The following FLVCR1 variants were observed in gnomAD, a reference collection of about 807,000 sequenced individuals.
The protein encoded by FLVCR1 is choline/ethanolamine transporter FLVCR1.
Under a neutral mutation model 53.6 loss-of-function variants are expected in FLVCR1, and 34 were observed. The ratio of observed to expected loss-of-function variants is 0.63; its 90% CI spans 0.48 to 0.84. The LOEUF is 0.84. Ranked by LOEUF, FLVCR1 falls within the 40% of genes least tolerant of loss-of-function variation. The probability of loss-of-function intolerance (pLI) is 0.00; values close to 1 mark genes in which losing one functional copy is unlikely to be tolerated. For missense variants in FLVCR1, 677 were observed against 696.7 expected (o/e 0.97, Z 0.32); for synonymous variants, 300 against 286.3 (o/e 1.05, Z -0.48).
chr1:212,879,008 T>C (rs1014420494), intron 3 of FLVCR1, among the ~76,000 whole-genome samples: 2 of 151,564 alleles, frequency 1.3e-5, no homozygotes, highest in African/African-American at 4.9e-5. Flanking sequence ...AAGACCTAAA[T>C]AATTTATTTT....
intron 3 of FLVCR1, among the ~76,000 whole-genome samples, chr1:212,878,533 CAAAAAAA>C (rs58243050): frequency 8.0e-5 from 9 of 112,834 alleles, no homozygotes; most frequent in African/African-American, 7.5e-5. Context: ...GTCTCCGTCT[CAAAAAAA>C]AAAAAAAAAA....
intron 9 of FLVCR1, 59 bp from the exon 10 acceptor site, chr1:212,895,157 C>A: frequency 7.0e-7 from 1 of 1,433,862 alleles, no homozygotes; most frequent in Non-Finnish European, 9.9e-7. Context: ...AACTGTTGAT[C>A]TGTTATAATA....
chr1:212,858,430 G>C lies in FLVCR1; in HGVS notation c.-23G>C, dbSNP rs1664088895. 5 of 1,430,720 alleles carry C rather than the reference G, an allele frequency of 3.5e-6. No homozygotes were observed. The highest frequency in any genetic ancestry group is 4.6e-6 in the Non-Finnish European group (5 of 1,097,176). 88.6% of individuals were successfully genotyped at this position (1,430,720 alleles called of 1,614,324 possible). On this transcript the variant is annotated 5_prime_UTR_variant, in exon 1 of 10. Coordinates refer to ENST00000366971, the MANE Select transcript of FLVCR1 (RefSeq NM_014053.4). ...GTCGGGGAGTGGGGCGGGGGAGCGA[G>C]GTGGCGCCGGGGAGCCTGGGATATG... is the stretch of plus-strand genomic sequence containing the variant.
chr1:212,898,340 A>T lies in FLVCR1; in HGVS notation c.*3050A>T, dbSNP rs1033370034. 3 of 152,216 alleles carry T rather than the reference A, an allele frequency of 2.0e-5. No homozygotes were observed. Among genetic ancestry groups the T allele is most frequent in the Non-Finnish European group, 4.4e-5 (3 of 68,042 alleles). The allele number at this position is 152,216 out of a possible 1,614,324, so 9.4% of individuals were successfully genotyped here. A position where few individuals can be genotyped will look rare whatever the true frequency, so the allele number is the denominator to read the frequency against. On this transcript the variant is annotated 3_prime_UTR_variant, in exon 10 of 10. Transcript: ENST00000366971. ...CAGTTGAGGGTAACTCAAGCAGAGT[A>T]TGTCCAATCATTAGCTTCCTTTGAT...
intron 3 of FLVCR1, among the ~76,000 whole-genome samples, chr1:212,874,678 G>A (rs554703072): frequency 2.0e-5 from 3 of 151,662 alleles, no homozygotes; most frequent in African/African-American, 7.3e-5. Flanking sequence ...ACAGGCACAT[G>A]CCACCACGCC....
Position 212,863,930 on chromosome 1 carries a change from A to G in FLVCR1, c.883+61A>G, listed in dbSNP as rs1390204672. On this transcript the variant is annotated intron_variant, in intron 2 of 9. Transcript: ENST00000366971. ...GCATGATAGAAATTTGAGAATAACT[A>G]ACTCTGGAAATTTTTGTTGATAATA... The G allele has an allele frequency of 4.2e-6, 6 of 1,421,002 alleles. No individual in the cohort carries two copies. In the East Asian group the frequency reaches 1.1e-4, roughly 27 times the overall value. The allele number at this position is 1,421,002 out of a possible 1,614,324, so 88.0% of individuals were successfully genotyped here. A position where few individuals can be genotyped will look rare whatever the true frequency, so the allele number is the denominator to read the frequency against.
intron 1 of FLVCR1, among the ~76,000 whole-genome samples, chr1:212,861,317 A>G (rs556994870): frequency 1.3e-5 from 2 of 152,206 alleles, no homozygotes; most frequent in Admixed American, 6.5e-5. Context: ...ACTAACTCCA[A>G]TTTCTTATTC....
At chr1:212,874,343 A>G (rs1170610798) in intron 3 of FLVCR1, among the ~76,000 whole-genome samples, 3 of 152,210 alleles carry the variant, frequency 2.0e-5, no homozygotes, top group South Asian at 2.1e-4. Flanking sequence ...CCCAGGTGCC[A>G]TATCTCATCC....
At position 212,859,055 on chromosome 1, in the gene FLVCR1, G is replaced by C; in HGVS notation, c.603G>C (p.Trp201Cys). 1 of 1,612,890 alleles carries C rather than the reference G, an allele frequency of 6.2e-7. No individual in the cohort carries two copies. Residue 201 changes from tryptophan to cysteine, a missense_variant, in exon 1 of 10, where the codon TGG becomes TGC. By Grantham distance (215) the Trp-to-Cys change is radical. Transcript: ENST00000366971. ...KCGSVQQHLF[W>C]VTMLGQCLCS... is the part of the protein sequence containing the mutation. ...GCAGTGTGCAGCAGCATCTCTTCTGGGTCACCATGTTGGGCCAGTGCTTGT... is the reference window on the plus strand; with the variant it reads ...GCAGTGTGCAGCAGCATCTCTTCTGCGTCACCATGTTGGGCCAGTGCTTGT...
rs986645169 is a variant in FLVCR1 at position 212,897,117 on chromosome 1, G to A, written c.*1827G>A. 3.3e-5 allele frequency: 5 copies of A among 151,186 alleles called. No individual in the cohort carries two copies. Among genetic ancestry groups the A allele is most frequent in the African/African-American group, 9.8e-5 (4 of 41,016 alleles). The allele number at this position is 151,186 out of a possible 1,614,324, so 9.4% of individuals were successfully genotyped here. On this transcript the variant is annotated 3_prime_UTR_variant, in exon 10 of 10. Transcript: ENST00000366971. ...GCGAATGGCAGAGGTTGCAGTGAGC[G>A]AAAATCACACTACTGCACTCCAGCC...
Position 212,863,778 on chromosome 1 carries a change from G to C in FLVCR1, c.792G>C (p.Gln264His), listed in dbSNP as rs1302774778. ...LLPPVLVPNT[Q>H]NDTNLLACNI... ...CACCAGTTTTAGTACCCAACACACAGAATGACACAAATCTCCTGGCTTGTA... is the reference window on the plus strand; with the variant it reads ...CACCAGTTTTAGTACCCAACACACACAATGACACAAATCTCCTGGCTTGTA... The change falls in exon 2 of 10, where the codon CAG becomes CAC. Residue 264 changes from glutamine to histidine, a missense_variant. Coordinates refer to ENST00000366971, the MANE Select transcript of FLVCR1 (RefSeq NM_014053.4). 1 of 1,613,968 alleles carries C rather than the reference G, an allele frequency of 6.2e-7. No individual in the cohort carries two copies. Among genetic ancestry groups the C allele is most frequent in the Admixed American group, 1.7e-5 (1 of 60,006 alleles).
intron 3 of FLVCR1, among the ~76,000 whole-genome samples, chr1:212,874,525 TC>T (rs1664697899): frequency 7.3e-6 from 1 of 137,370 alleles, no homozygotes; most frequent in South Asian, 2.3e-4. Flanking sequence ...TTTCTTTTTT[TC>T]TTTTTTTTTT....
At chr1:212,878,131 G>A (rs151001646) in intron 3 of FLVCR1, among the ~76,000 whole-genome samples, 22 of 152,210 alleles carry the variant, frequency 1.4e-4, no homozygotes, top group Non-Finnish European at 2.5e-4. Flanking sequence ...ATTAGAGACC[G>A]TATGTCCTAC....
intron 3 of FLVCR1, 144 bp from the exon 4 acceptor site, chr1:212,883,227 T>C (rs1664968953): frequency 1.6e-6 from 1 of 628,368 alleles, no homozygotes; most frequent in Non-Finnish European, 2.8e-6. Context: ...TAATTTCCTT[T>C]ATCAACTGTG....
At chr1:212,876,641 A>G (rs1470449606) in intron 3 of FLVCR1, among the ~76,000 whole-genome samples, 1 of 152,138 alleles carries the variant, frequency 6.6e-6, no homozygotes, top group Non-Finnish European at 1.5e-5. Context: ...CCAAGATTAC[A>G]GGTGTGAGCC....
chr1:212,872,580 GCTCA>G lies in FLVCR1; in HGVS notation c.884-95_884-92del, dbSNP rs1230992478. 5 of 834,250 alleles carry G rather than the reference GCTCA, an allele frequency of 6.0e-6. No homozygotes were observed. In the Admixed American group the frequency reaches 6.8e-5, roughly 11 times the overall value. The allele number at this position is 834,250 out of a possible 1,614,324, so 51.7% of individuals were successfully genotyped here. On this transcript the variant is annotated intron_variant, in intron 2 of 9. Coordinates refer to ENST00000366971, the MANE Select transcript of FLVCR1 (RefSeq NM_014053.4). ...TTTAAACTTAAACTGTATTCTGTCT[GCTCA>G]CTAAGAATGATACATATAATTACAT...
intron 2 of FLVCR1, among the ~76,000 whole-genome samples, chr1:212,870,823 G>A (rs1664573626): frequency 6.6e-6 from 1 of 152,138 alleles, no homozygotes; most frequent in African/African-American, 2.4e-5. Context: ...CTGGAGTGCA[G>A]TAGCACAATC....
In FLVCR1 at chr1:212,872,836, ACTTT is replaced by A. The variant is rs1395851719; in HGVS notation, c.1024+23_1024+26del. On this transcript the variant is annotated intron_variant, in intron 3 of 9. Coordinates refer to ENST00000366971, the MANE Select transcript of FLVCR1 (RefSeq NM_014053.4). ...CACTTATGGTAAGTGGTTTTCTTGTACTTTCTTTAATGTCTGTGTGAGCCTTTCA... is the reference window on the plus strand; with the variant it reads ...CACTTATGGTAAGTGGTTTTCTTGTACTTTAATGTCTGTGTGAGCCTTTCA... 6.2e-7 allele frequency: 1 copy of A among 1,612,994 alleles called. No homozygotes were observed. The highest frequency in any genetic ancestry group is 1.1e-5 in the South Asian group (1 of 91,062).
At chr1:212,872,589 G>A in intron 2 of FLVCR1, 89 bp from the exon 3 acceptor site, 1 of 909,102 alleles carries the variant, frequency 1.1e-6, no homozygotes. Flanking sequence ...TGCTCACTAA[G>A]AATGATACAT....
Sources: allele counts gnomAD v4.1 joint callset (sites outside exome capture counted in the v4.1 genomes callset), GRCh38; gene constraint gnomAD v4.1.1; transcripts MANE v1.5; gene names NCBI Gene and HGNC (gene_info 2026-07-23, HGNC 2026-07-21).